The following LARGE1 variants were observed in gnomAD, a reference collection of about 807,000 sequenced individuals.
LARGE1 encodes xylosyl- and glucuronyltransferase LARGE1.
Under a neutral mutation model 87.6 loss-of-function variants are expected in LARGE1, and 43 were observed. The observed-to-expected ratio is 0.49, with a 90% confidence interval of 0.38 to 0.63. LARGE1 has a LOEUF of 0.63. LARGE1 is among the 30% of genes least tolerant of loss of function. The pLI is 0.00. For synonymous variants in LARGE1, 434 were observed against 394.6 expected (o/e 1.10, Z -1.18); for missense variants, 802 against 1,000.2 (o/e 0.80, Z 2.67).
rs139721346 is a variant in LARGE1 at position 33,846,470 on chromosome 22, T to A, written c.-83+73525A>T. Among the ~76,000 whole-genome samples, 558 of 152,238 alleles carry A rather than the reference T, an allele frequency of 3.7e-3. 1 individual carries two copies. The highest frequency in any genetic ancestry group is 0.013 in the African/African-American group (532 of 41,548). ...CGTTAACTGCACAAATTGTAGAGCA[T>A]GTGTGTTTGAACAATATGAAATCTG... On this transcript the variant is annotated intron_variant, in intron 1 of 14. Transcript: ENST00000397394.
At chr22:33,331,683 C>T (rs1937727156) in intron 10 of LARGE1, among the ~76,000 whole-genome samples, 1 of 152,108 alleles carries the variant, frequency 6.6e-6, no homozygotes, top group Non-Finnish European at 1.5e-5. Context: ...GCTGGGATTA[C>T]CGGCGTGAGC....
chr22:33,555,783 A>G (rs1453961839), intron 6 of LARGE1, among the ~76,000 whole-genome samples: 1 of 151,860 alleles, frequency 6.6e-6, no homozygotes, highest in Non-Finnish European at 1.5e-5. Flanking sequence ...ACAAAAAATT[A>G]GCCGGGTGTG....
chr22:33,720,704 G>A (rs539451336), intron 2 of LARGE1, among the ~76,000 whole-genome samples: 14 of 152,338 alleles, frequency 9.2e-5, no homozygotes, highest in Non-Finnish European at 1.8e-4. Flanking sequence ...AAATATCAGA[G>A]AAGGAACTGG....
intron 1 of LARGE1, among the ~76,000 whole-genome samples, chr22:33,831,603 C>T (rs778982478): frequency 2.6e-5 from 4 of 152,048 alleles, no homozygotes; most frequent in African/African-American, 7.2e-5. Context: ...CCAAAACCAG[C>T]GATTGGATTG....
chr22:33,287,220 T>C (rs1450745687), intron 12 of LARGE1, among the ~76,000 whole-genome samples: 1 of 152,222 alleles, frequency 6.6e-6, no homozygotes, highest in Non-Finnish European at 1.5e-5. Context: ...GTTTGTATTT[T>C]ACTTAAGCTA....
In LARGE1 at chr22:33,912,776, G is replaced by GAA. The variant is rs5845123; in HGVS notation, c.-83+7217_-83+7218dup. Reference sequence around the variant, plus strand: ...TAAGAGATAAAGGAAGAACAACAATGAAAAAAAAAAAAGCCCTAGATATTT... The same window carrying GAA: ...TAAGAGATAAAGGAAGAACAACAATGAAAAAAAAAAAAAAGCCCTAGATATTT... On this transcript the variant is annotated intron_variant, in intron 1 of 14. Transcript: ENST00000397394. 5.6e-4 allele frequency among the ~76,000 whole-genome samples: 77 copies of GAA among 137,974 alleles called. 2 individuals are homozygous for GAA. The highest frequency in any genetic ancestry group is 1.5e-3 in the Admixed American group (20 of 13,786). The allele number at this position is 137,974 out of a possible 152,430, so 90.5% of individuals were successfully genotyped here. A position where few individuals can be genotyped will look rare whatever the true frequency, so the allele number is the denominator to read the frequency against.
At chr22:33,847,048 A>G (rs2063454832) in intron 1 of LARGE1, among the ~76,000 whole-genome samples, 1 of 151,994 alleles carries the variant, frequency 6.6e-6, no homozygotes, top group Non-Finnish European at 1.5e-5. Context: ...CCCTAATAAA[A>G]ACTTCCTGGT....
intron 7 of LARGE1, among the ~76,000 whole-genome samples, chr22:33,411,016 A>T (rs146199200): frequency 1.3e-5 from 2 of 152,340 alleles, no homozygotes; most frequent in East Asian, 3.9e-4. Context: ...TCCTTAAGTC[A>T]GGAAGATTTA....
intron 11 of LARGE1, among the ~76,000 whole-genome samples, chr22:33,307,792 C>CA (rs1178735913): frequency 2.0e-5 from 3 of 150,580 alleles, no homozygotes; most frequent in African/African-American, 7.3e-5. Flanking sequence ...TTTTTTGAGA[C>CA]AGAGTCTCAC....
chr22:33,283,440 G>A lies in LARGE1; in HGVS notation c.1731-92C>T, dbSNP rs890538747. On this transcript the variant is annotated intron_variant, in intron 12 of 14. Transcript: ENST00000397394. ...AGGGCGGGGTGGTCATTGGCCCGGG[G>A]AAGTGTGGGAAAGAAAGCTCAGGTC... 1.6e-5 allele frequency: 22 copies of A among 1,405,650 alleles called. No individual in the cohort carries two copies. In the Admixed American group the frequency reaches 3.7e-4, roughly 24 times the overall value. 87.1% of individuals were successfully genotyped at this position (1,405,650 alleles called of 1,614,324 possible). A position where few individuals can be genotyped will look rare whatever the true frequency, so the allele number is the denominator to read the frequency against.
intron 1 of LARGE1, among the ~76,000 whole-genome samples, chr22:33,870,760 G>A (rs907249003): frequency 2.6e-5 from 4 of 152,084 alleles, no homozygotes; most frequent in African/African-American, 7.2e-5. Flanking sequence ...GTACAGACAG[G>A]GTTTCCCCAT....
chr22:33,909,701 G>A (rs944923271), intron 1 of LARGE1, among the ~76,000 whole-genome samples: 8 of 151,932 alleles, frequency 5.3e-5, no homozygotes, highest in African/African-American at 1.7e-4. Context: ...ACCACGCCCA[G>A]CTAATTTTTT....
intron 1 of LARGE1, among the ~76,000 whole-genome samples, chr22:33,906,843 C>T (rs2065470676): frequency 6.6e-6 from 1 of 151,866 alleles, no homozygotes; most frequent in African/African-American, 2.4e-5. Flanking sequence ...TAACCAAGCA[C>T]AATTACTCTA....
chr22:33,249,291 AT>A (rs1602146479), intron 11 of LARGE1, among the ~76,000 whole-genome samples: 1 of 152,200 alleles, frequency 6.6e-6, no homozygotes, highest in Non-Finnish European at 1.5e-5. Context: ...CTCTGATGAC[AT>A]ATGATGTAGA....
intron 5 of LARGE1, among the ~76,000 whole-genome samples, chr22:33,572,861 C>T (rs1253266349): frequency 1.3e-5 from 2 of 151,912 alleles, no homozygotes; most frequent in Non-Finnish European, 2.9e-5. Context: ...CAGAGTGAGA[C>T]TTTGTCTCAA....
intron 5 of LARGE1, among the ~76,000 whole-genome samples, chr22:33,576,005 A>T (rs1368539425): frequency 1.3e-5 from 2 of 152,200 alleles, no homozygotes; most frequent in Non-Finnish European, 2.9e-5. Flanking sequence ...TGTGAACTGG[A>T]CTGTTACAGT....
At chr22:33,660,717 C>T (rs1046621668) in intron 2 of LARGE1, among the ~76,000 whole-genome samples, 2 of 152,204 alleles carry the variant, frequency 1.3e-5, no homozygotes, top group Non-Finnish European at 1.5e-5. Flanking sequence ...ACAACCATAA[C>T]GATTTTATCC....
intron 7 of LARGE1, among the ~76,000 whole-genome samples, chr22:33,420,040 T>C (rs1466296306): frequency 6.6e-6 from 1 of 152,142 alleles, no homozygotes; most frequent in Non-Finnish European, 1.5e-5. Flanking sequence ...ACTAGTGGCA[T>C]CCCTGGCCTC....
Position 33,413,760 on chromosome 22 carries a change from C to T in LARGE1, c.892+18401G>A, listed in dbSNP as rs114103345. Among the ~76,000 whole-genome samples the T allele has an allele frequency of 3.7e-3, 564 of 152,072 alleles. 5 individuals carry two copies. Among genetic ancestry groups the T allele is most frequent in the African/African-American group, 7.8e-3 (323 of 41,502 alleles). On this transcript the variant is annotated intron_variant, in intron 7 of 14. Coordinates refer to ENST00000397394, the MANE Select transcript of LARGE1 (RefSeq NM_133642.5). Reference sequence around the variant, plus strand: ...GATTACAGGTGTGACCCACCGCACCCGGCCTACTGGGGGCTTTTTAAAACT... The same window carrying T: ...GATTACAGGTGTGACCCACCGCACCTGGCCTACTGGGGGCTTTTTAAAACT...
Sources: allele counts gnomAD v4.1 joint callset (sites outside exome capture counted in the v4.1 genomes callset), GRCh38; gene constraint gnomAD v4.1.1; transcripts MANE v1.5; gene names NCBI Gene and HGNC (gene_info 2026-07-23, HGNC 2026-07-21).